Variants in CYB5A observed in about 807,000 individuals in gnomAD.
The protein encoded by CYB5A is cytochrome b5 type A.
In CYB5A, 10 loss-of-function variants were observed where a neutral mutation model predicts 16.2. The ratio of observed to expected loss-of-function variants is 0.62; its 90% CI spans 0.38 to 1.04. The LOEUF (loss-of-function observed/expected upper bound fraction) is 1.04, where lower values mean the gene tolerates loss of function less well. CYB5A is among the 50% of genes least tolerant of loss of function. The pLI is 0.01. For missense variants in CYB5A, 161 were observed against 165.9 expected (o/e 0.97, Z 0.16); for synonymous variants, 62 against 57.0 (o/e 1.09, Z -0.40).
chr18:74,284,878 C>T (rs951964187), intron 1 of CYB5A, among the ~76,000 whole-genome samples: 7 of 152,176 alleles, frequency 4.6e-5, no homozygotes, highest in Admixed American at 3.9e-4. Flanking sequence ...TCCACAGAGC[C>T]GTCAGCTCTA....
At chr18:74,284,686 G>T (rs971841600) in intron 1 of CYB5A, among the ~76,000 whole-genome samples, 1 of 152,152 alleles carries the variant, frequency 6.6e-6, no homozygotes, top group African/African-American at 2.4e-5. Context: ...CAGGCAGAGA[G>T]GACCCTTAAC....
intron 1 of CYB5A, 119 bp downstream of exon 1, chr18:74,291,628 C>CG (rs541876209): frequency 0.023 from 33,508 of 1,474,944 alleles, 485 homozygotes; most frequent in Non-Finnish European, 0.027. Context: ...TGAGCGAACT[C>CG]GGGGGGCGCG....
chr18:74,262,876 G>A (rs1341313444), intron 2 of CYB5A, among the ~76,000 whole-genome samples: 1 of 152,174 alleles, frequency 6.6e-6, no homozygotes, highest in Non-Finnish European at 1.5e-5. Flanking sequence ...CAGGCCAGGT[G>A]TGGGGGCTCA....
rs76234573 is a variant in CYB5A at position 74,289,919 on chromosome 18, A to G, written c.129+1828T>C. Reference sequence around the variant, plus strand: ...GCTGGCCCAAAATGTCAACAGTGCCAGGGTTGAAAAAACTCGCTTTAGGAG... The same window carrying G: ...GCTGGCCCAAAATGTCAACAGTGCCGGGGTTGAAAAAACTCGCTTTAGGAG... On this transcript the variant is annotated intron_variant, in intron 1 of 4. Coordinates refer to ENST00000340533, the MANE Select transcript of CYB5A (RefSeq NM_148923.4). Among the ~76,000 whole-genome samples, 1,237 of 152,296 alleles carry G rather than the reference A, an allele frequency of 8.1e-3. 14 individuals are homozygous for G. The highest frequency in any genetic ancestry group is 0.015 in the Non-Finnish European group (990 of 68,022).
At chr18:74,287,054 G>A (rs1983347958) in intron 1 of CYB5A, among the ~76,000 whole-genome samples, 1 of 152,124 alleles carries the variant, frequency 6.6e-6, no homozygotes, top group African/African-American at 2.4e-5. Flanking sequence ...TCCCCAGGTG[G>A]CCTTCTAAGA....
intron 2 of CYB5A, chr18:74,261,279 T>C: frequency 2.9e-6 from 1 of 343,666 alleles, no homozygotes. Context: ...TTCCCTTCTG[T>C]CCTCTCAAAT....
intron 1 of CYB5A, among the ~76,000 whole-genome samples, chr18:74,270,375 G>A (rs1246850639): frequency 6.6e-6 from 1 of 152,096 alleles, no homozygotes; most frequent in Admixed American, 6.5e-5. Context: ...AGCTATGACT[G>A]CATCAGTGCA....
At chr18:74,276,687 T>A (rs72980478) in intron 1 of CYB5A, among the ~76,000 whole-genome samples, 21,759 of 152,130 alleles carry the variant, frequency 0.14, 1,680 homozygotes, top group Admixed American at 0.2. Flanking sequence ...GAGGGTTTGC[T>A]TAACCAAGCA....
At chr18:74,271,627 C>T (rs1014731512) in intron 1 of CYB5A, among the ~76,000 whole-genome samples, 1 of 151,882 alleles carries the variant, frequency 6.6e-6, no homozygotes, top group African/African-American at 2.4e-5. Context: ...ATCACCATAT[C>T]CATCACCTCA....
chr18:74,281,457 A>T, intron 1 of CYB5A, among the ~76,000 whole-genome samples: 1 of 152,182 alleles, frequency 6.6e-6, no homozygotes, highest in East Asian at 1.9e-4. Context: ...GAAGTGGGAA[A>T]AGGAGACAGG....
chr18:74,274,868 AG>A (rs1205386397), intron 1 of CYB5A, among the ~76,000 whole-genome samples: 2 of 152,242 alleles, frequency 1.3e-5, no homozygotes, highest in East Asian at 1.9e-4. Context: ...AAAGGTTAAT[AG>A]TCTGGCTCAA....
Position 74,263,377 on chromosome 18 carries a change from T to C in CYB5A, c.230A>G (p.Lys77Arg). The change falls in exon 2 of 5, where the codon AAA becomes AGA. Residue 77 changes from lysine (K) to arginine (R), a missense_variant. By Grantham distance (26) the Lys-to-Arg change is conservative. Coordinates refer to ENST00000340533, the MANE Select transcript of CYB5A (RefSeq NM_148923.4). ...GHSTDAREMS[K>R]TFIIGELHPD... Reference sequence around the variant, plus strand: ...ATGGAGCTCCCCAATGATGAATGTTTTGGACATTTCCCTGGCATCTGTAGA... The same window carrying C: ...ATGGAGCTCCCCAATGATGAATGTTCTGGACATTTCCCTGGCATCTGTAGA... 3.1e-6 allele frequency: 5 copies of C among 1,614,116 alleles called. No homozygotes were observed. Among genetic ancestry groups the C allele is most frequent in the Non-Finnish European group, 4.2e-6 (5 of 1,179,988 alleles).
chr18:74,288,634 A>G (rs759848700), intron 1 of CYB5A, among the ~76,000 whole-genome samples: 1 of 152,204 alleles, frequency 6.6e-6, no homozygotes, highest in Non-Finnish European at 1.5e-5. Context: ...GACTAGCCTC[A>G]TAACAAACTA....
intron 1 of CYB5A, among the ~76,000 whole-genome samples, chr18:74,286,940 C>G (rs1983343410): frequency 6.6e-6 from 1 of 152,032 alleles, no homozygotes; most frequent in Non-Finnish European, 1.5e-5. Context: ...TTTACTGTTT[C>G]AAAACAAAGT....
Position 74,291,787 on chromosome 18 carries a change from A to G in CYB5A, c.89T>C (p.Leu30Pro). The G allele has an allele frequency of 3.1e-6, 5 of 1,613,902 alleles. No individual in the cohort carries two copies. Among genetic ancestry groups the G allele is most frequent in the Non-Finnish European group, 4.2e-6 (5 of 1,179,822 alleles). ...HNHSKSTWLI[L>P]HHKVYDLTKF... ...GGTCAAATCGTACACCTTGTGGTGCAGGATCAGCCAGGTGCTCTTGCTGTG... is the reference window on the plus strand; with the variant it reads ...GGTCAAATCGTACACCTTGTGGTGCGGGATCAGCCAGGTGCTCTTGCTGTG... Residue 30 changes from leucine to proline, a missense_variant, in exon 1 of 5, where the codon CTG becomes CCG. Leu to Pro is a moderately conservative substitution (Grantham distance 98). Coordinates refer to ENST00000340533, the MANE Select transcript of CYB5A (RefSeq NM_148923.4).
chr18:74,263,929 A>T (rs1982320033), intron 1 of CYB5A, among the ~76,000 whole-genome samples: 1 of 151,786 alleles, frequency 6.6e-6, no homozygotes, highest in Admixed American at 6.6e-5. Flanking sequence ...AGTAAAAAAA[A>T]ATTTAAAAAC....
chr18:74,267,558 G>A (rs1037194948), intron 1 of CYB5A, among the ~76,000 whole-genome samples: 7 of 152,202 alleles, frequency 4.6e-5, no homozygotes, highest in South Asian at 2.1e-4. Flanking sequence ...AGAGATAAAC[G>A]TGTGGCAGCG....
At chr18:74,281,564 C>T (rs1380557879) in intron 1 of CYB5A, among the ~76,000 whole-genome samples, 1 of 152,110 alleles carries the variant, frequency 6.6e-6, no homozygotes, top group East Asian at 1.9e-4. Flanking sequence ...GAACTGAGAG[C>T]TGACACAAGG....
chr18:74,263,457 A>C lies in CYB5A; in HGVS notation c.150T>G (p.Val50=). ...FLEEHPGGEE[V]LREQAGGDAT... ...CGTCACCTCCAGCTTGTTCCCTTAA[A>C]ACTTCTTCCCCACCAGGATGCTGTT... Residue 50 remains valine, a synonymous_variant, in exon 2 of 5, where the codon GTT becomes GTG. Coordinates refer to ENST00000340533, the MANE Select transcript of CYB5A (RefSeq NM_148923.4). 6.2e-7 allele frequency: 1 copy of C among 1,614,098 alleles called. No homozygotes were observed.
Sources: allele counts gnomAD v4.1 joint callset (sites outside exome capture counted in the v4.1 genomes callset), GRCh38; gene constraint gnomAD v4.1.1; transcripts MANE v1.5; gene names NCBI Gene and HGNC (gene_info 2026-07-23, HGNC 2026-07-21).